Variants in SNTG2 observed in about 807,000 individuals in gnomAD.
SNTG2 encodes the protein gamma-2-syntrophin.
SNTG2 carries 74 observed loss-of-function variants against 70.9 expected under a neutral mutation model. That is an observed-to-expected ratio of 1.04 (90% CI 0.86 to 1.27). SNTG2 has a LOEUF of 1.27. SNTG2 is among the 50% of genes most tolerant of loss of function. The probability of loss-of-function intolerance (pLI) is 0.00; values close to 1 mark genes in which losing one functional copy is unlikely to be tolerated. For synonymous variants in SNTG2, 278 were observed against 273.8 expected, an observed-to-expected ratio of 1.02 and a Z score of -0.15; for missense variants, 717 against 690.7, an observed-to-expected ratio of 1.04 and a Z score of -0.43.
chr2:1,196,168 A>T (rs956351648), intron 8 of SNTG2, among the ~76,000 whole-genome samples: 2 of 152,188 alleles, frequency 1.3e-5, no homozygotes, highest in Non-Finnish European at 2.9e-5. Flanking sequence ...AAAGACATAG[A>T]TATTTTAAAA....
At chr2:1,147,081 G>A (rs1017343635) in intron 6 of SNTG2, among the ~76,000 whole-genome samples, 5 of 152,176 alleles carry the variant, frequency 3.3e-5, no homozygotes. Flanking sequence ...CATTTGAGTT[G>A]GGGATTGGTG....
chr2:998,136 A>T (rs1661753507), intron 1 of SNTG2, among the ~76,000 whole-genome samples: 2 of 152,300 alleles, frequency 1.3e-5, no homozygotes, highest in South Asian at 4.1e-4. Flanking sequence ...TTATAGTCAC[A>T]TCCTCAAGGG....
chr2:1,352,504 A>G (rs1429837763), intron 16 of SNTG2, among the ~76,000 whole-genome samples: 2 of 152,068 alleles, frequency 1.3e-5, no homozygotes, highest in Non-Finnish European at 2.9e-5. Context: ...CAGTTCAGCA[A>G]CCCTGCGAGT....
chr2:1,179,037 T>A (rs1331931537), intron 8 of SNTG2, among the ~76,000 whole-genome samples: 3 of 152,212 alleles, frequency 2.0e-5, no homozygotes, highest in East Asian at 1.9e-4. Flanking sequence ...CTTGGGAGGG[T>A]GTATGTGTCG....
intron 9 of SNTG2, among the ~76,000 whole-genome samples, chr2:1,234,320 C>A (rs1185000841): frequency 1.3e-5 from 2 of 152,176 alleles, no homozygotes; most frequent in African/African-American, 4.8e-5. Flanking sequence ...ACTTTCTTTC[C>A]CTGTTTCATT....
At chr2:1,240,561 CAAGTT>C (rs1249758765) in intron 11 of SNTG2, among the ~76,000 whole-genome samples, 6 of 152,176 alleles carry the variant, frequency 3.9e-5, no homozygotes, top group Non-Finnish European at 8.8e-5. Context: ...ATCATAGCCT[CAAGTT>C]AAGAAAACTG....
rs970570787 is a variant in SNTG2, at chr2:1,097,643, G to A, written c.211-553G>A. 4.6e-5 allele frequency among the ~76,000 whole-genome samples: 7 copies of A among 152,096 alleles called. No homozygotes were observed. Among genetic ancestry groups the A allele is most frequent in the African/African-American group, 1.7e-4 (7 of 41,400 alleles). ...CACTAGCCAGTTAAAGGCCTATTGT[G>A]CTTTTAGCTTTTTATCACAACCTAC... On this transcript the variant is annotated intron_variant, in intron 2 of 16. Transcript: ENST00000308624. The surrounding 1 kb of genome is among the most constrained non-coding windows in gnomAD (Gnocchi z 4.1).
chr2:1,063,640 A>G (rs1003789935), intron 1 of SNTG2, among the ~76,000 whole-genome samples: 2 of 152,232 alleles, frequency 1.3e-5, no homozygotes, highest in African/African-American at 4.8e-5. Context: ...AAAGGTTATT[A>G]ATGAAAAACA....
chr2:1,109,237 C>A (rs978785621), intron 4 of SNTG2, among the ~76,000 whole-genome samples: 2 of 152,006 alleles, frequency 1.3e-5, no homozygotes, highest in African/African-American at 4.8e-5. Context: ...GGTGATCACC[C>A]AGTTCATACT....
intron 1 of SNTG2, among the ~76,000 whole-genome samples, chr2:1,017,636 T>A (rs191246290): frequency 2.8e-3 from 420 of 152,358 alleles, no homozygotes; most frequent in Non-Finnish European, 3.7e-3. Context: ...TGGCATTGAA[T>A]ATACAGATGC....
intron 9 of SNTG2, among the ~76,000 whole-genome samples, chr2:1,235,893 C>G (rs1676621031): frequency 6.6e-6 from 1 of 152,142 alleles, no homozygotes; most frequent in Non-Finnish European, 1.5e-5. Context: ...AGTTGGTTGG[C>G]CAAGAGTATG....
intron 6 of SNTG2, among the ~76,000 whole-genome samples, chr2:1,158,785 C>A (rs1670071478): frequency 6.6e-6 from 1 of 152,110 alleles, no homozygotes; most frequent in African/African-American, 2.4e-5. Flanking sequence ...AGAGCGCTGT[C>A]GTTGCCAATC....
chr2:1,120,103 C>T (rs898359834), intron 4 of SNTG2, among the ~76,000 whole-genome samples: 2 of 151,958 alleles, frequency 1.3e-5, no homozygotes, highest in African/African-American at 4.8e-5. Flanking sequence ...TTGAATATTA[C>T]AACAAGAAAA....
chr2:1,328,570 G>C (rs980751217), intron 16 of SNTG2, among the ~76,000 whole-genome samples: 1 of 152,102 alleles, frequency 6.6e-6, no homozygotes, highest in African/African-American at 2.4e-5. Context: ...GGAGAAAGAA[G>C]GAACAGAAAG....
intron 8 of SNTG2, among the ~76,000 whole-genome samples, chr2:1,200,464 A>G (rs1673208703): frequency 6.6e-6 from 1 of 152,046 alleles, no homozygotes; most frequent in African/African-American, 2.4e-5. Flanking sequence ...TTAGGAAAAG[A>G]TTTTATGACT....
intron 13 of SNTG2, among the ~76,000 whole-genome samples, chr2:1,261,421 ATT>A (rs748187447): frequency 6.6e-6 from 1 of 152,154 alleles, no homozygotes; most frequent in Non-Finnish European, 1.5e-5. Context: ...TGAAGTTGTG[ATT>A]TTGTTTTTTC....
At chr2:1,358,536 A>G (rs1174947095) in intron 16 of SNTG2, among the ~76,000 whole-genome samples, 1 of 151,782 alleles carries the variant, frequency 6.6e-6, no homozygotes, top group Non-Finnish European at 1.5e-5. Flanking sequence ...CCACAAATTT[A>G]TTTATGCTAT....
chr2:1,306,429 A>C (rs1033775714), intron 14 of SNTG2, among the ~76,000 whole-genome samples: 1 of 152,212 alleles, frequency 6.6e-6, no homozygotes, highest in Non-Finnish European at 1.5e-5. Flanking sequence ...GTTGACAGGC[A>C]TGAAGATGTT....
intron 13 of SNTG2, among the ~76,000 whole-genome samples, chr2:1,264,454 G>T (rs1379005733): frequency 6.6e-6 from 1 of 152,166 alleles, no homozygotes; most frequent in Admixed American, 6.5e-5. Flanking sequence ...CGTAAACCTT[G>T]AATAACACCC....
Sources: gnomAD v4.1 joint callset for allele counts (sites outside exome capture counted in the v4.1 genomes callset) on GRCh38, gnomAD v4.1.1 for gene constraint, Gnocchi (gnomAD v3.1) non-coding constraint, MANE v1.5 for transcripts, NCBI Gene and HGNC (gene_info 2026-07-23, HGNC 2026-07-21) for gene names.